ADAMTSL1: variants seen among roughly 807,000 people sequenced by gnomAD.
ADAMTSL1 encodes ADAMTS like 1.
Under a neutral mutation model 201.8 loss-of-function variants are expected in ADAMTSL1, and 126 were observed. That is an observed-to-expected ratio of 0.62 (90% CI 0.54 to 0.72). The LOEUF (loss-of-function observed/expected upper bound fraction) is 0.72, where lower values mean the gene tolerates loss of function less well. ADAMTSL1 is among the 30% of genes least tolerant of loss of function. ADAMTSL1 has a pLI of 0.00. For missense variants in ADAMTSL1, 2,679 were observed against 2,277.8 expected (o/e 1.18, Z -3.59); for synonymous variants, 1,121 against 903.4 (o/e 1.24, Z -4.32).
Position 18,908,656 on chromosome 9 carries a change from C to A in ADAMTSL1, c.*108C>A, listed in dbSNP as rs566969803. The A allele has an allele frequency of 1.2e-6, 1 of 855,376 alleles. No individual in the cohort carries two copies. Among genetic ancestry groups the A allele is most frequent in the East Asian group, 2.7e-5 (1 of 37,034 alleles). 53.0% of individuals were successfully genotyped at this position (855,376 alleles called of 1,614,324 possible). A position where few individuals can be genotyped will look rare whatever the true frequency, so the allele number is the denominator to read the frequency against. On this transcript the variant is annotated 3_prime_UTR_variant, in exon 29 of 29. Transcript: ENST00000380548. Reference sequence around the variant, plus strand: ...TTTTATTTATTTATTTCCCCCTCCCCACTCCACACACACCCTTCCAACCTC... The same window carrying A: ...TTTTATTTATTTATTTCCCCCTCCCAACTCCACACACACCCTTCCAACCTC...
chr9:18,610,864 A>G (rs1285408059), intron 4 of ADAMTSL1, among the ~76,000 whole-genome samples: 1 of 152,220 alleles, frequency 6.6e-6, no homozygotes, highest in Non-Finnish European at 1.5e-5. Context: ...AGACATGTAA[A>G]CAAGAGTTTA....
chr9:18,855,929 T>C (rs1446527511), intron 23 of ADAMTSL1, among the ~76,000 whole-genome samples: 1 of 152,182 alleles, frequency 6.6e-6, no homozygotes. Context: ...AGAAAAAGAA[T>C]TTAGGCACAG....
At chr9:18,097,972 A>G (rs980057685) in intron 1 of ADAMTSL1, among the ~76,000 whole-genome samples, 3 of 151,614 alleles carry the variant, frequency 2.0e-5, no homozygotes, top group Admixed American at 6.6e-5. Context: ...TTTTAGGTTT[A>G]GGTTAGTGAT....
chr9:18,148,456 G>A (rs555484143), intron 1 of ADAMTSL1, among the ~76,000 whole-genome samples: 26 of 151,904 alleles, frequency 1.7e-4, no homozygotes, highest in African/African-American at 5.8e-4. Flanking sequence ...AATGGGAATC[G>A]GCACAACTAT....
At chr9:18,857,057 T>C (rs1228708859) in intron 23 of ADAMTSL1, among the ~76,000 whole-genome samples, 1 of 152,206 alleles carries the variant, frequency 6.6e-6, no homozygotes, top group Non-Finnish European at 1.5e-5. Context: ...TTTTTTTCCT[T>C]TCTTTTCACA....
At chr9:18,896,644 A>G (rs1440046089) in intron 26 of ADAMTSL1, among the ~76,000 whole-genome samples, 1 of 151,674 alleles carries the variant, frequency 6.6e-6, no homozygotes, top group Non-Finnish European at 1.5e-5. Context: ...AAAAACCTTC[A>G]CCCCCCAGCC....
chr9:18,664,335 TAG>T (rs1829297522), intron 9 of ADAMTSL1, among the ~76,000 whole-genome samples: 1 of 151,902 alleles, frequency 6.6e-6, no homozygotes, highest in Non-Finnish European at 1.5e-5. Flanking sequence ...CTCCAGAAAA[TAG>T]ATCTGCTCTT....
chr9:18,331,100 ATAAAG>A (rs1835010255), intron 2 of ADAMTSL1, among the ~76,000 whole-genome samples: 1 of 152,208 alleles, frequency 6.6e-6, no homozygotes, highest in Admixed American at 6.5e-5. Flanking sequence ...TGGATCCAGG[ATAAAG>A]TAAACAGTGT....
At chr9:18,656,486 G>A (rs1043546715) in intron 7 of ADAMTSL1, among the ~76,000 whole-genome samples, 2 of 151,800 alleles carry the variant, frequency 1.3e-5, no homozygotes, top group Non-Finnish European at 2.9e-5. Flanking sequence ...AAAATTAGCC[G>A]GGCATGGTGG....
At chr9:18,159,368 AAAG>A (rs1189992038) in intron 1 of ADAMTSL1, among the ~76,000 whole-genome samples, 2 of 152,022 alleles carry the variant, frequency 1.3e-5, no homozygotes, top group Non-Finnish European at 2.9e-5. Context: ...CTAAATGAAG[AAAG>A]AAGAACAATA....
At chr9:18,824,625 C>G (rs1487594984) in intron 21 of ADAMTSL1, among the ~76,000 whole-genome samples, 1 of 151,860 alleles carries the variant, frequency 6.6e-6, no homozygotes, top group Non-Finnish European at 1.5e-5. Context: ...AACACTAGAC[C>G]ACTAGACTAA....
At chr9:18,599,226 GT>G (rs1027280558) in intron 4 of ADAMTSL1, among the ~76,000 whole-genome samples, 2 of 152,184 alleles carry the variant, frequency 1.3e-5, no homozygotes, top group African/African-American at 4.8e-5. Context: ...GAAAGGATTT[GT>G]TTTTTGAATA....
intron 3 of ADAMTSL1, among the ~76,000 whole-genome samples, chr9:18,537,509 A>G (rs1388660001): frequency 6.6e-6 from 1 of 152,148 alleles, no homozygotes; most frequent in Non-Finnish European, 1.5e-5. Flanking sequence ...TCAAAACCAG[A>G]GGTAGGTGGG....
intron 1 of ADAMTSL1, among the ~76,000 whole-genome samples, chr9:18,069,126 A>C (rs147183705): frequency 6.6e-6 from 1 of 152,206 alleles, no homozygotes; most frequent in Non-Finnish European, 1.5e-5. Context: ...CATGTAAGCT[A>C]TCTGGCAGCT....
intron 4 of ADAMTSL1, among the ~76,000 whole-genome samples, chr9:18,591,225 C>T (rs935530510): frequency 6.6e-6 from 1 of 152,110 alleles, no homozygotes; most frequent in African/African-American, 2.4e-5. Flanking sequence ...TATATATTTA[C>T]TATTGTTACA....
chr9:18,778,720 CT>C (rs2133767113), intron 19 of ADAMTSL1, among the ~76,000 whole-genome samples: 1 of 152,282 alleles, frequency 6.6e-6, no homozygotes, highest in Non-Finnish European at 1.5e-5. Flanking sequence ...TTTTATCTCA[CT>C]GAATAGAAGT....
At chr9:18,000,841 A>C (rs1819582670) in intron 1 of ADAMTSL1, among the ~76,000 whole-genome samples, 1 of 152,060 alleles carries the variant, frequency 6.6e-6, no homozygotes, top group Non-Finnish European at 1.5e-5. Context: ...GGACTACAGT[A>C]AATCTCTTCT....
At chr9:18,816,714 C>G (rs1823870329) in intron 20 of ADAMTSL1, among the ~76,000 whole-genome samples, 1 of 123,506 alleles carries the variant, frequency 8.1e-6, no homozygotes, top group African/African-American at 3.1e-5. Context: ...CTCTTCAACC[C>G]TTGGTCTTTT....
intron 2 of ADAMTSL1, among the ~76,000 whole-genome samples, chr9:18,435,005 T>A (rs920843336): frequency 1.3e-5 from 2 of 152,212 alleles, no homozygotes; most frequent in African/African-American, 4.8e-5. Context: ...AACATCTGGG[T>A]CACAATAGAT....
Sources: gnomAD v4.1 joint callset for allele counts (sites outside exome capture counted in the v4.1 genomes callset) on GRCh38, gnomAD v4.1.1 for gene constraint, MANE v1.5 for transcripts, NCBI Gene and HGNC (gene_info 2026-07-23, HGNC 2026-07-21) for gene names.